The following FNIP2 variants were observed in gnomAD, a reference collection of about 807,000 sequenced individuals.
FNIP2 encodes folliculin interacting protein 2.
A neutral mutation model predicts 108.7 loss-of-function variants in FNIP2; 32 were observed. That is an observed-to-expected ratio of 0.29 (90% CI 0.22 to 0.40). The LOEUF (loss-of-function observed/expected upper bound fraction) is 0.40, where lower values mean the gene tolerates loss of function less well. Among genes scored for constraint, FNIP2 ranks in the 10% least tolerant of loss-of-function variants. The probability of loss-of-function intolerance (pLI) is 1.00; values close to 1 mark genes in which losing one functional copy is unlikely to be tolerated. For missense variants in FNIP2, 1,202 were observed against 1,381.6 expected, an observed-to-expected ratio of 0.87 and a Z score of 2.06; for synonymous variants, 480 against 496.7, an observed-to-expected ratio of 0.97 and a Z score of 0.45.
At chr4:158,870,864 GAC>G (rs1024013407) in intron 14 of FNIP2, among the ~76,000 whole-genome samples, 1 of 152,266 alleles carries the variant, frequency 6.6e-6, no homozygotes, top group Admixed American at 6.5e-5. Flanking sequence ...AGCTGATGCA[GAC>G]ACACAGCCTT....
chr4:158,809,304 C>A lies in FNIP2; in HGVS notation c.108-16612C>A, dbSNP rs184517691. ...TGAAACCCCATCTTTACTAAAAATA[C>A]AAAAATTAGCTAGATGTGGTAGCAG... is the stretch of plus-strand genomic sequence containing the variant. On this transcript the variant is annotated intron_variant, in intron 1 of 16. Coordinates refer to ENST00000264433, the MANE Select transcript of FNIP2 (RefSeq NM_020840.3). 5.3e-5 allele frequency among the ~76,000 whole-genome samples: 8 copies of A among 152,164 alleles called. No homozygotes were observed. The East Asian group carries it at 7.7e-4, about 15-fold the overall frequency.
At chr4:158,817,586 G>A (rs112991792) in intron 1 of FNIP2, among the ~76,000 whole-genome samples, 6 of 151,988 alleles carry the variant, frequency 3.9e-5, no homozygotes, top group South Asian at 2.1e-4. Context: ...TCACTCTGTC[G>A]CCCAGGCTGG....
intron 1 of FNIP2, chr4:158,806,196 A>ATGTTTATG: frequency 7.9e-7 from 1 of 1,269,674 alleles, no homozygotes; most frequent in Non-Finnish European, 1.0e-6. Context: ...TTTGTCTCCA[A>ATGTTTATG]GTCCATGTTT....
Position 158,904,633 on chromosome 4 carries a change from G to A in FNIP2, c.*89G>A, listed in dbSNP as rs147004917. 1.6e-4 allele frequency: 184 copies of A among 1,156,316 alleles called. 1 individual carries two copies. In the East Asian group the frequency reaches 4.0e-3, roughly 25 times the overall value. 71.6% of individuals were successfully genotyped at this position (1,156,316 alleles called of 1,614,324 possible). ...GAATAAGCTCTCTGTGATGTCAAAAGCATGAGAAGAGCAAACAGAAACAGT... is the reference window on the plus strand; with the variant it reads ...GAATAAGCTCTCTGTGATGTCAAAAACATGAGAAGAGCAAACAGAAACAGT... On this transcript the variant is annotated 3_prime_UTR_variant, in exon 17 of 17. Coordinates refer to ENST00000264433, the MANE Select transcript of FNIP2 (RefSeq NM_020840.3).
chr4:158,892,142 T>C (rs1782315057), intron 15 of FNIP2, among the ~76,000 whole-genome samples: 1 of 69,938 alleles, frequency 1.4e-5, no homozygotes, highest in East Asian at 2.3e-4. Context: ...CAATTGTTGC[T>C]TTTTTTTTTT....
chr4:158,855,371 G>A (rs1779926748), intron 8 of FNIP2, among the ~76,000 whole-genome samples: 1 of 152,326 alleles, frequency 6.6e-6, no homozygotes, highest in South Asian at 2.1e-4. Flanking sequence ...TGCCCATGCA[G>A]CCAGCCCTTA....
rs1366152788 is a variant in FNIP2 at position 158,861,429 on chromosome 4, G to A, written c.1236G>A (p.Gln412=). 34 of 1,613,892 alleles carry A rather than the reference G, an allele frequency of 2.1e-5. No homozygotes were observed. Among genetic ancestry groups the A allele is most frequent in the Non-Finnish European group, 2.8e-5 (33 of 1,179,902 alleles). The change falls in exon 11 of 17, where the codon CAG becomes CAA. Residue 412 remains glutamine (Q), a synonymous_variant. Coordinates refer to ENST00000264433, the MANE Select transcript of FNIP2 (RefSeq NM_020840.3). The part of the protein sequence containing the change: ...TMMSGTLEKN[Q]LCQRFLKEFT... ...TGTCCGGCACTTTGGAAAAAAACCA[G>A]CTCTGCCAGCGCTTTCTCAAGGAGT...
At chr4:158,903,169 T>G (rs550679634) in intron 16 of FNIP2, among the ~76,000 whole-genome samples, 1 of 152,284 alleles carries the variant, frequency 6.6e-6, no homozygotes, top group Admixed American at 6.5e-5. Context: ...ATGGGAAAAG[T>G]GCAGTATCCA....
chr4:158,805,609 A>G (rs1299800110), intron 1 of FNIP2, among the ~76,000 whole-genome samples: 2 of 152,200 alleles, frequency 1.3e-5, no homozygotes, highest in African/African-American at 4.8e-5. Flanking sequence ...TAAGTCCTAC[A>G]TTTGGCTGTT....
At chr4:158,774,607 C>A (rs1031137626) in intron 1 of FNIP2, among the ~76,000 whole-genome samples, 6 of 152,190 alleles carry the variant, frequency 3.9e-5, no homozygotes, top group Middle Eastern at 6.8e-3. Flanking sequence ...TCATTATAAA[C>A]CTCAGAGGCT....
intron 14 of FNIP2, among the ~76,000 whole-genome samples, chr4:158,882,177 C>T (rs13104827): frequency 6.8e-6 from 1 of 147,844 alleles, no homozygotes; most frequent in Non-Finnish European, 1.5e-5. Flanking sequence ...AGTGAGGAGC[C>T]CCTCCGCCCA....
intron 8 of FNIP2, 78 bp downstream of exon 8, chr4:158,851,528 G>T: frequency 6.5e-7 from 1 of 1,543,984 alleles, no homozygotes. Context: ...GGCTGTTCGT[G>T]CCTATTGTCA....
chr4:158,782,569 C>G (rs937820767), intron 1 of FNIP2, among the ~76,000 whole-genome samples: 1 of 145,338 alleles, frequency 6.9e-6, no homozygotes, highest in Non-Finnish European at 1.5e-5. Flanking sequence ...TCTCTTGCCT[C>G]TTTTGATTCA....
Position 158,856,912 on chromosome 4 carries a change from C to T in FNIP2, c.858-2145C>T, listed in dbSNP as rs551709666. Among the ~76,000 whole-genome samples, 32 of 152,266 alleles carry T rather than the reference C, an allele frequency of 2.1e-4. 1 individual carries two copies. The highest frequency in any genetic ancestry group is 1.0e-4 in the Non-Finnish European group (7 of 68,014). On this transcript the variant is annotated intron_variant, in intron 8 of 16. Coordinates refer to ENST00000264433, the MANE Select transcript of FNIP2 (RefSeq NM_020840.3). ...TTTCTAAATTATAAGTAAGATACTA[C>T]GTGACCTGATTTATTCCACGTTGCA...
chr4:158,884,399 C>G (rs773164941), intron 14 of FNIP2, among the ~76,000 whole-genome samples: 1 of 152,150 alleles, frequency 6.6e-6, no homozygotes, highest in Non-Finnish European at 1.5e-5. Flanking sequence ...CATGTGAAAT[C>G]AAGAACAAGT....
intron 16 of FNIP2, among the ~76,000 whole-genome samples, chr4:158,900,776 A>G (rs564776852): frequency 6.6e-6 from 1 of 151,634 alleles, no homozygotes; most frequent in East Asian, 1.9e-4. Flanking sequence ...ATGGGTCTTG[A>G]CTCTTTATCC....
chr4:158,783,801 C>G (rs1161821231), intron 1 of FNIP2, among the ~76,000 whole-genome samples: 1 of 152,170 alleles, frequency 6.6e-6, no homozygotes, highest in Non-Finnish European at 1.5e-5. Context: ...GTTCCAGAGC[C>G]TGGACCAGTT....
At chr4:158,889,509 G>A (rs150571094) in intron 14 of FNIP2, among the ~76,000 whole-genome samples, 22 of 152,320 alleles carry the variant, frequency 1.4e-4, no homozygotes, top group Non-Finnish European at 2.2e-4. Flanking sequence ...CCCTACCACT[G>A]CAGTGGGAAG....
At chr4:158,835,639 G>C (rs909273704) in intron 7 of FNIP2, 163 bp downstream of exon 7, 4 of 507,834 alleles carry the variant, frequency 7.9e-6, no homozygotes, top group Admixed American at 3.2e-5. Flanking sequence ...TTAATGTACA[G>C]TATCCATGAG....
Sources: gnomAD v4.1 joint callset for allele counts (sites outside exome capture counted in the v4.1 genomes callset) on GRCh38, gnomAD v4.1.1 for gene constraint, MANE v1.5 for transcripts, NCBI Gene and HGNC (gene_info 2026-07-23, HGNC 2026-07-21) for gene names.